Variants in COX7B2 observed in about 807,000 individuals in gnomAD.
The protein encoded by COX7B2 is cytochrome c oxidase subunit 7B2, mitochondrial.
For missense variants in COX7B2, 109 were observed against 95.9 expected, an observed-to-expected ratio of 1.14 and a Z score of -0.57; for synonymous variants, 37 against 32.1, an observed-to-expected ratio of 1.15 and a Z score of -0.51.
intron 2 of COX7B2, among the ~76,000 whole-genome samples, chr4:46,811,461 G>C (rs181555259): frequency 4.0e-5 from 6 of 151,662 alleles, no homozygotes; most frequent in African/African-American, 1.5e-4. Context: ...TTCATTGATT[G>C]AATTATTTAG....
chr4:46,832,904 C>CTT lies in COX7B2; in HGVS notation c.-50+12054_-50+12055dup, dbSNP rs370738031. ...ATGTACAGCCTGCTGAACTGTGAGC[C>CTT]TTTTTTTTTTTCTTTTTTGAGATGG... On this transcript the variant is annotated intron_variant, in intron 2 of 2. Coordinates refer to ENST00000355591, the MANE Select transcript of COX7B2 (RefSeq NM_130902.3). Among the ~76,000 whole-genome samples the CTT allele has an allele frequency of 2.0e-3, 300 of 147,280 alleles. 1 individual carries two copies. Among genetic ancestry groups the CTT allele is most frequent in the African/African-American group, 6.9e-3 (279 of 40,254 alleles).
At chr4:46,908,554 C>T (rs1720544383) in intron 1 of COX7B2, among the ~76,000 whole-genome samples, 1 of 152,126 alleles carries the variant, frequency 6.6e-6, no homozygotes. Context: ...CAGAGTGCAA[C>T]ACTTCCCACT....
intron 2 of COX7B2, among the ~76,000 whole-genome samples, chr4:46,810,658 A>G (rs1719241372): frequency 6.6e-6 from 1 of 152,116 alleles, no homozygotes; most frequent in South Asian, 2.1e-4. Flanking sequence ...CCTTCATACT[A>G]GAGATATGTA....
chr4:46,826,126 G>T (rs1714673831), intron 2 of COX7B2, among the ~76,000 whole-genome samples: 1 of 152,036 alleles, frequency 6.6e-6, no homozygotes, highest in African/African-American at 2.4e-5. Flanking sequence ...TGCAAACTAT[G>T]CATCTGACAG....
chr4:46,832,107 G>A (rs1436595852), intron 2 of COX7B2, among the ~76,000 whole-genome samples: 2 of 152,126 alleles, frequency 1.3e-5, no homozygotes, highest in Non-Finnish European at 2.9e-5. Flanking sequence ...GCCAGCAGTG[G>A]CAACCTGCTC....
intron 2 of COX7B2, among the ~76,000 whole-genome samples, chr4:46,811,820 G>A (rs766497881): frequency 2.6e-5 from 4 of 152,092 alleles, no homozygotes; most frequent in African/African-American, 4.8e-5. Flanking sequence ...GGTTGAACAC[G>A]GTGCAAGCAA....
At chr4:46,757,297 A>G (rs10938457) in intron 2 of COX7B2, among the ~76,000 whole-genome samples, 48,309 of 141,164 alleles carry the variant, frequency 0.34, 8,281 homozygotes, top group East Asian at 0.49. Flanking sequence ...AGTAGACACC[A>G]GAGACTATGA....
chr4:46,900,908 T>C (rs1720038476), intron 1 of COX7B2, among the ~76,000 whole-genome samples: 1 of 152,202 alleles, frequency 6.6e-6, no homozygotes, highest in Non-Finnish European at 1.5e-5. Flanking sequence ...TATTTTGTTA[T>C]AACAGCCCCA....
rs762801656 is a variant in COX7B2, at chr4:46,797,092, T to TAA, written c.-50+47866_-50+47867dup. The stretch of plus-strand genomic sequence containing the variant: ...ATGTACCCTAAAACTTAGAGTATAA[T>TAA]AAAAAAAAAAAAAAAAAAAAAAAAA... On this transcript the variant is annotated intron_variant, in intron 2 of 2. Coordinates refer to ENST00000355591, the MANE Select transcript of COX7B2 (RefSeq NM_130902.3). Among the ~76,000 whole-genome samples, 297 of 62,490 alleles carry TAA rather than the reference T, an allele frequency of 4.8e-3. 16 individuals are homozygous for TAA. Among genetic ancestry groups the TAA allele is most frequent in the African/African-American group, 0.014 (153 of 11,080 alleles). The allele number at this position is 62,490 out of a possible 152,430, so 41.0% of individuals were successfully genotyped here.
chr4:46,863,396 T>C (rs763008547), intron 1 of COX7B2, among the ~76,000 whole-genome samples: 1 of 152,214 alleles, frequency 6.6e-6, no homozygotes, highest in Non-Finnish European at 1.5e-5. Context: ...GTGTAAGTCA[T>C]GATAAAGTTT....
intron 1 of COX7B2, among the ~76,000 whole-genome samples, chr4:46,889,496 A>G (rs1234509764): frequency 6.6e-6 from 1 of 152,222 alleles, no homozygotes; most frequent in Non-Finnish European, 1.5e-5. Flanking sequence ...TGGCTTGTCT[A>G]AGCAGAAATA....
intron 2 of COX7B2, among the ~76,000 whole-genome samples, chr4:46,835,937 A>C (rs952111608): frequency 3.9e-5 from 6 of 152,178 alleles, no homozygotes; most frequent in Middle Eastern, 3.2e-3. Context: ...CTATAACTCG[A>C]GGGTAATGAT....
chr4:46,739,940 T>TA (rs1352210803), intron 2 of COX7B2, among the ~76,000 whole-genome samples: 2 of 152,116 alleles, frequency 1.3e-5, no homozygotes, highest in Non-Finnish European at 2.9e-5. Flanking sequence ...GCTGTTTTAA[T>TA]ACTCACAAAC....
At chr4:46,835,590 G>A (rs368767316) in intron 2 of COX7B2, among the ~76,000 whole-genome samples, 1 of 152,094 alleles carries the variant, frequency 6.6e-6, no homozygotes, top group Non-Finnish European at 1.5e-5. Flanking sequence ...AACTGCGTAA[G>A]ATATAGCATG....
chr4:46,872,809 A>G (rs1422254476), intron 1 of COX7B2, among the ~76,000 whole-genome samples: 1 of 152,046 alleles, frequency 6.6e-6, no homozygotes, highest in African/African-American at 2.4e-5. Flanking sequence ...TAACTTCTTC[A>G]TAGGGTTTTG....
Position 46,884,312 on chromosome 4 carries a change from C to T in COX7B2, c.-105+24848G>A, listed in dbSNP as rs1007035904. On this transcript the variant is annotated intron_variant, in intron 1 of 2. Transcript: ENST00000355591. Reference sequence around the variant, plus strand: ...CTCATAGCAATCTTCCTGCCTCAACCTTCCACAGTGCTGAGATTACATGCA... The same window carrying T: ...CTCATAGCAATCTTCCTGCCTCAACTTTCCACAGTGCTGAGATTACATGCA... Among the ~76,000 whole-genome samples the T allele has an allele frequency of 3.5e-4, 54 of 152,186 alleles. 1 individual carries two copies. The highest frequency in any genetic ancestry group is 3.2e-3 in the Admixed American group (49 of 15,272).
chr4:46,760,802 AATT>A (rs1716104039), intron 2 of COX7B2, among the ~76,000 whole-genome samples: 1 of 152,222 alleles, frequency 6.6e-6, no homozygotes, highest in South Asian at 2.1e-4. Flanking sequence ...TTTAATGGCA[AATT>A]AGTCATAGCT....
intron 2 of COX7B2, among the ~76,000 whole-genome samples, chr4:46,768,816 G>A (rs1383992425): frequency 6.6e-6 from 1 of 151,994 alleles, no homozygotes; most frequent in Admixed American, 6.6e-5. Flanking sequence ...AAACTAAATG[G>A]TCAAACTTTT....
chr4:46,861,775 C>A (rs1433786341), intron 1 of COX7B2, among the ~76,000 whole-genome samples: 1 of 152,174 alleles, frequency 6.6e-6, no homozygotes, highest in Non-Finnish European at 1.5e-5. Context: ...CACGAAGCAG[C>A]TGTGCCAGTT....
Sources: gnomAD v4.1 joint callset for allele counts (sites outside exome capture counted in the v4.1 genomes callset) on GRCh38, gnomAD v4.1.1 for gene constraint, MANE v1.5 for transcripts, NCBI Gene and HGNC (gene_info 2026-07-23, HGNC 2026-07-21) for gene names.